PGBD5: variants seen among roughly 807,000 people sequenced by gnomAD.
The protein encoded by PGBD5 is piggyBac transposable element derived 5, also known as piggyBac transposable element-derived protein 5.
In PGBD5, 14 loss-of-function variants were observed where a neutral mutation model predicts 47.9. The ratio of observed to expected loss-of-function variants is 0.29; its 90% CI spans 0.19 to 0.46. The LOEUF (loss-of-function observed/expected upper bound fraction) is 0.46, where lower values mean the gene tolerates loss of function less well. Among genes scored for constraint, PGBD5 ranks in the 20% least tolerant of loss-of-function variants. PGBD5 has a pLI of 1.00. For synonymous variants in PGBD5, 316 were observed against 306.3 expected (o/e 1.03, Z -0.33); for missense variants, 635 against 716.0 (o/e 0.89, Z 1.29).
rs1185525065 is a variant in PGBD5 at position 230,376,252 on chromosome 1, G to T, written c.332-18931C>A. On this transcript the variant is annotated intron_variant, in intron 1 of 6. Coordinates refer to ENST00000391860, the MANE Select transcript of PGBD5 (RefSeq NM_001258311.2). Reference sequence around the variant, plus strand: ...GAAGAGGACTCCAAGCTGGCAGGAGGCTGCTCCCTGCCTCCCATCAAACCT... The same window carrying T: ...GAAGAGGACTCCAAGCTGGCAGGAGTCTGCTCCCTGCCTCCCATCAAACCT... Among the ~76,000 whole-genome samples the T allele has an allele frequency of 2.0e-5, 3 of 152,262 alleles. No individual in the cohort carries two copies. The East Asian group carries it at 5.8e-4, about 29-fold the overall frequency.
intron 1 of PGBD5, among the ~76,000 whole-genome samples, chr1:230,405,377 G>A (rs1208673049): frequency 1.3e-5 from 2 of 151,986 alleles, no homozygotes; most frequent in Non-Finnish European, 1.5e-5. Flanking sequence ...TGAAGAAGGC[G>A]TGGATGATCC....
intron 1 of PGBD5, among the ~76,000 whole-genome samples, chr1:230,421,203 C>T (rs1230909116): frequency 6.6e-6 from 1 of 152,176 alleles, no homozygotes; most frequent in African/African-American, 2.4e-5. Context: ...GGCAGCTACG[C>T]CAACCACTAT....
chr1:230,350,452 C>T (rs1007655414), intron 3 of PGBD5, among the ~76,000 whole-genome samples: 1 of 152,142 alleles, frequency 6.6e-6, no homozygotes, highest in Non-Finnish European at 1.5e-5. Context: ...GAAGGTTATT[C>T]ATAATTTCAC....
At chr1:230,366,660 C>T (rs889034702) in intron 1 of PGBD5, among the ~76,000 whole-genome samples, 5 of 152,132 alleles carry the variant, frequency 3.3e-5, no homozygotes, top group African/African-American at 1.2e-4. Flanking sequence ...CCTTGGTCTC[C>T]TTGTTGGTAA....
intron 4 of PGBD5, chr1:230,336,013 C>G (rs1667319929): frequency 6.6e-6 from 1 of 151,964 alleles, no homozygotes; most frequent in Non-Finnish European, 1.5e-5. Flanking sequence ...AGGGAACAGG[C>G]CCTGGAACAC....
chr1:230,333,285 GACTGCATGTAGGGCT>G (rs1667252109), intron 4 of PGBD5, among the ~76,000 whole-genome samples: 1 of 152,106 alleles, frequency 6.6e-6, no homozygotes, highest in Non-Finnish European at 1.5e-5. Context: ...AGTATGCTAA[GACTGCATGTAGGGCT>G]ACAGCACAAG....
Position 230,426,329 on chromosome 1 carries a change from T to G in PGBD5, c.-401A>C, listed in dbSNP as rs979619038. 1 of 148,772 alleles carries G rather than the reference T, an allele frequency of 6.7e-6. No individual in the cohort carries two copies. 9.2% of individuals were successfully genotyped at this position (148,772 alleles called of 1,614,324 possible). The stretch of plus-strand genomic sequence containing the variant: ...CTCTCCACGGCCTCCGGCGCTCGGC[T>G]GCCGACCTTCCCGGGCGCGAGCCGC... On this transcript the variant is annotated 5_prime_UTR_variant, in exon 1 of 7. Transcript: ENST00000391860.
At chr1:230,341,479 G>A (rs1370161686) in intron 3 of PGBD5, among the ~76,000 whole-genome samples, 5 of 152,130 alleles carry the variant, frequency 3.3e-5, no homozygotes, top group Non-Finnish European at 4.4e-5. Context: ...TAATGATCTC[G>A]TCCAGGTTTA....
At chr1:230,361,847 G>A (rs1393826579) in intron 1 of PGBD5, among the ~76,000 whole-genome samples, 4 of 152,212 alleles carry the variant, frequency 2.6e-5, no homozygotes, top group Non-Finnish European at 4.4e-5. Context: ...CCAAACCCAG[G>A]CCTCAGGGTA....
chr1:230,368,319 G>C (rs755222146), intron 1 of PGBD5, among the ~76,000 whole-genome samples: 1 of 152,286 alleles, frequency 6.6e-6, no homozygotes, highest in Non-Finnish European at 1.5e-5. Flanking sequence ...ACCGGGAAGA[G>C]TGTGCGGCCC....
At chr1:230,422,697 A>G (rs574977424) in intron 1 of PGBD5, among the ~76,000 whole-genome samples, 1 of 152,210 alleles carries the variant, frequency 6.6e-6, no homozygotes, top group Non-Finnish European at 1.5e-5. Flanking sequence ...TACTGGCCGC[A>G]CTTCCGGAGG....
intron 1 of PGBD5, among the ~76,000 whole-genome samples, chr1:230,364,543 C>T (rs542179615): frequency 8.5e-4 from 130 of 152,366 alleles, no homozygotes; most frequent in Middle Eastern, 6.8e-3. Flanking sequence ...AGAGAAGGTA[C>T]ACTCTGCGTG....
At chr1:230,369,307 G>A (rs1385026814) in intron 1 of PGBD5, among the ~76,000 whole-genome samples, 1 of 152,230 alleles carries the variant, frequency 6.6e-6, no homozygotes, top group African/African-American at 2.4e-5. Flanking sequence ...AGACATCAAC[G>A]AAATCCACGT....
At chr1:230,363,961 CA>C (rs1468683937) in intron 1 of PGBD5, among the ~76,000 whole-genome samples, 2 of 152,330 alleles carry the variant, frequency 1.3e-5, no homozygotes, top group East Asian at 3.9e-4. Context: ...AAGTAATCAC[CA>C]TTTCTCTCGC....
chr1:230,418,750 A>G (rs1657580126), intron 1 of PGBD5, among the ~76,000 whole-genome samples: 1 of 152,170 alleles, frequency 6.6e-6, no homozygotes, highest in Non-Finnish European at 1.5e-5. Context: ...TCAGCTCCCA[A>G]GTGGCTGAGA....
At chr1:230,345,290 A>T (rs946091005) in intron 3 of PGBD5, among the ~76,000 whole-genome samples, 1 of 152,184 alleles carries the variant, frequency 6.6e-6, no homozygotes. Flanking sequence ...ACCCACATAG[A>T]GGGCACAGGC....
At chr1:230,416,543 T>C (rs1354715747) in intron 1 of PGBD5, among the ~76,000 whole-genome samples, 6 of 152,032 alleles carry the variant, frequency 3.9e-5, no homozygotes, top group Admixed American at 2.6e-4. Context: ...AGAGGGAAGG[T>C]AGTGATTTTA....
At chr1:230,403,837 G>T (rs113369575) in intron 1 of PGBD5, among the ~76,000 whole-genome samples, 45 of 152,166 alleles carry the variant, frequency 3.0e-4, no homozygotes, top group Non-Finnish European at 5.0e-4. Context: ...ACACACAAGG[G>T]GGACCGCCCA....
In PGBD5 at chr1:230,323,488, C is replaced by T. The variant is rs770489131; in HGVS notation, c.1512G>A (p.Ala504=). ...CTCTGACGAGTCTCTCTCCAAACTG[C>T]GCCCGGCTGTACCTCTTCACGTGGT... is the stretch of plus-strand genomic sequence containing the variant. ...DAYHVKRYSR[A]QFGERLVREL... The change falls in exon 7 of 7, where the codon GCG becomes GCA. Residue 504 remains alanine, a synonymous_variant. Transcript: ENST00000391860. The surrounding 1 kb of genome is among the most constrained non-coding windows in gnomAD (Gnocchi z 4.1). 18 of 1,614,084 alleles carry T rather than the reference C, an allele frequency of 1.1e-5. No individual in the cohort carries two copies. Among genetic ancestry groups the T allele is most frequent in the Middle Eastern group, 1.6e-4 (1 of 6,084 alleles).
Sources: gnomAD v4.1 joint callset for allele counts (sites outside exome capture counted in the v4.1 genomes callset) on GRCh38, gnomAD v4.1.1 for gene constraint, Gnocchi (gnomAD v3.1) non-coding constraint, MANE v1.5 for transcripts, NCBI Gene and HGNC (gene_info 2026-07-23, HGNC 2026-07-21) for gene names.